The following OR51E2 variants were observed in gnomAD, a reference collection of about 807,000 sequenced individuals.
OR51E2 encodes the protein olfactory receptor 51E2.
Under a neutral mutation model 13.7 loss-of-function variants are expected in OR51E2, and 14 were observed. The observed-to-expected ratio is 1.02, with a 90% confidence interval of 0.68 to 1.60. The LOEUF (loss-of-function observed/expected upper bound fraction) is 1.60. Among genes scored for constraint, OR51E2 ranks in the 40% most tolerant of loss-of-function variants. The pLI is 0.00. For missense variants in OR51E2, 483 were observed against 413.8 expected (o/e 1.17, Z -1.45); for synonymous variants, 180 against 157.6 (o/e 1.14, Z -1.07).
intron 1 of OR51E2, chr11:4,690,903 C>T (rs1288762787): frequency 4.4e-6 from 2 of 456,316 alleles, no homozygotes; most frequent in Non-Finnish European, 8.8e-6. Flanking sequence ...GGCTTGTTTC[C>T]CAAATCTGTG....
intron 1 of OR51E2, among the ~76,000 whole-genome samples, chr11:4,692,727 G>A (rs1488566145): frequency 6.6e-6 from 1 of 151,986 alleles, no homozygotes; most frequent in Non-Finnish European, 1.5e-5. Flanking sequence ...GGAAAAGAAA[G>A]GGTGCTGGGT....
intron 1 of OR51E2, among the ~76,000 whole-genome samples, chr11:4,695,292 C>T (rs986982679): frequency 6.6e-6 from 1 of 152,134 alleles, no homozygotes; most frequent in African/African-American, 2.4e-5. Flanking sequence ...ATTCCTTTCC[C>T]TCTTTAGTAT....
At position 4,682,730 on chromosome 11, in the gene OR51E2, G is replaced by T. The variant is rs539052386; in HGVS notation, c.-19C>A. ...AACTCATAGCTGGAACTGAGGAGGG[G>T]TGACTGGAGAGGGTGAGGTCACACT... On this transcript the variant is annotated 5_prime_UTR_variant, in exon 2 of 2. Transcript: ENST00000396950. 181 of 1,606,650 alleles carry T rather than the reference G, an allele frequency of 1.1e-4. 1 individual carries two copies. The East Asian group carries it at 3.9e-3, about 35-fold the overall frequency.
At chr11:4,695,966 C>A (rs534002892) in intron 1 of OR51E2, among the ~76,000 whole-genome samples, 1 of 152,184 alleles carries the variant, frequency 6.6e-6, no homozygotes, top group Non-Finnish European at 1.5e-5. Flanking sequence ...CATAAATCTG[C>A]AATCTAATTA....
chr11:4,687,257 G>T (rs932227861), intron 1 of OR51E2, among the ~76,000 whole-genome samples: 1 of 152,140 alleles, frequency 6.6e-6, no homozygotes, highest in African/African-American at 2.4e-5. Context: ...TTAGGGAATA[G>T]AAGGGGAAAG....
chr11:4,689,888 G>A, intron 1 of OR51E2, among the ~76,000 whole-genome samples: 1 of 151,484 alleles, frequency 6.6e-6, no homozygotes, highest in East Asian at 1.9e-4. Flanking sequence ...CTAGAGGATA[G>A]AGTTGTGGTT....
Position 4,680,717 on chromosome 11 carries a change from A to G in OR51E2, c.*1032T>C, listed in dbSNP as rs942354776. On this transcript the variant is annotated 3_prime_UTR_variant, in exon 2 of 2. Transcript: ENST00000396950. ...ATAAAACCTGTGAAGCACTTATAAT[A>G]GTGCCAGAACATTGTGAGCACACAT... The G allele has an allele frequency of 6.6e-6, 1 of 152,562 alleles. No individual in the cohort carries two copies. Among genetic ancestry groups the G allele is most frequent in the Admixed American group, 6.5e-5 (1 of 15,288 alleles). 9.5% of individuals were successfully genotyped at this position (152,562 alleles called of 1,614,324 possible).
intron 1 of OR51E2, among the ~76,000 whole-genome samples, chr11:4,685,545 C>A (rs1259519499): frequency 6.6e-6 from 1 of 152,168 alleles, no homozygotes; most frequent in Non-Finnish European, 1.5e-5. Context: ...CATATCTTTC[C>A]CTAACCTTTC....
In OR51E2 at chr11:4,681,895, C is replaced by CA; in HGVS notation, c.816dup (p.Val273CysfsTer5). 4 of 1,614,164 alleles carry CA rather than the reference C, an allele frequency of 2.5e-6. No homozygotes were observed. The highest frequency in any genetic ancestry group is 3.4e-6 in the Non-Finnish European group (4 of 1,180,028). On this transcript the variant is annotated frameshift_variant, in exon 2 of 2. Transcript: ENST00000396950. LOFTEE classifies it high-confidence loss of function. ...AGCAGGTAGATGTCACCCATGACAA[C>CA]ACGCACAATGGGATGAAGGCTGTTT...
chr11:4,690,156 G>A (rs1847559934), intron 1 of OR51E2, among the ~76,000 whole-genome samples: 1 of 151,258 alleles, frequency 6.6e-6, no homozygotes, highest in African/African-American at 2.4e-5. Context: ...AGTCTGCATG[G>A]ATGTGCTCTG....
rs1210485621 is a variant in OR51E2, at chr11:4,697,728, G to C, written c.-126C>G. On this transcript the variant is annotated 5_prime_UTR_variant, in exon 1 of 2. Transcript: ENST00000396950. ...TGAGGAGGCTTTAGATTCCAGGGGA[G>C]GGCCGAGCTTGCAAATATGAGGAGA... 1 of 152,618 alleles carries C rather than the reference G, an allele frequency of 6.6e-6. No individual in the cohort carries two copies. Among genetic ancestry groups the C allele is most frequent in the Non-Finnish European group, 1.5e-5 (1 of 68,062 alleles). 9.5% of individuals were successfully genotyped at this position (152,618 alleles called of 1,614,324 possible). A position where few individuals can be genotyped will look rare whatever the true frequency, so the allele number is the denominator to read the frequency against.
At chr11:4,694,304 A>G (rs1847625415) in intron 1 of OR51E2, among the ~76,000 whole-genome samples, 1 of 152,010 alleles carries the variant, frequency 6.6e-6, no homozygotes, top group Non-Finnish European at 1.5e-5. Context: ...GCAAAAAAAA[A>G]ATGACTTCTC....
intron 1 of OR51E2, among the ~76,000 whole-genome samples, chr11:4,693,630 A>G (rs1035046085): frequency 1.3e-5 from 2 of 152,176 alleles, no homozygotes; most frequent in South Asian, 4.2e-4. Flanking sequence ...CTGAGGCAGG[A>G]GAATGGAGTG....
At chr11:4,695,000 A>G (rs965718578) in intron 1 of OR51E2, among the ~76,000 whole-genome samples, 1 of 152,228 alleles carries the variant, frequency 6.6e-6, no homozygotes, top group Non-Finnish European at 1.5e-5. Flanking sequence ...GAATGAAAGA[A>G]TAACATAAGC....
chr11:4,682,074 A>G lies in OR51E2; in HGVS notation c.638T>C (p.Ile213Thr), dbSNP rs1180063575. Reference protein sequence around the residue: ...LLVMGVDVMFISLSYFLIIRT... With the variant: ...LLVMGVDVMFTSLSYFLIIRT... ...TATTATCAGAAAATAGGACAAGGAGATGAACATTACGTCCACGCCCATGAC... is the reference window on the plus strand; with the variant it reads ...TATTATCAGAAAATAGGACAAGGAGGTGAACATTACGTCCACGCCCATGAC... Residue 213 changes from isoleucine to threonine, a missense_variant, in exon 2 of 2, where the codon ATC becomes ACC. Ile to Thr is a moderately conservative substitution (Grantham distance 89). Transcript: ENST00000396950. 1.9e-6 allele frequency: 3 copies of G among 1,614,200 alleles called. No homozygotes were observed. Among genetic ancestry groups the G allele is most frequent in the Non-Finnish European group, 2.5e-6 (3 of 1,180,038 alleles).
chr11:4,696,787 A>G (rs1282308894), intron 1 of OR51E2, among the ~76,000 whole-genome samples: 3 of 152,140 alleles, frequency 2.0e-5, no homozygotes, highest in Non-Finnish European at 2.9e-5. Flanking sequence ...TCATTGCACT[A>G]TTATAAGCTA....
chr11:4,696,943 C>T (rs1272621624), intron 1 of OR51E2, among the ~76,000 whole-genome samples: 2 of 152,166 alleles, frequency 1.3e-5, no homozygotes, highest in African/African-American at 2.4e-5. Flanking sequence ...AGACCATCTA[C>T]ACCATTAATA....
In OR51E2 at chr11:4,693,500, T is replaced by A. The variant is rs181885595; in HGVS notation, c.-51+4153A>T. On this transcript the variant is annotated intron_variant, in intron 1 of 1. Coordinates refer to ENST00000396950, the MANE Select transcript of OR51E2 (RefSeq NM_030774.4). ...ACTTTGGGAGGCCGAGGTGGGCGGATCACGAGGTCAGGAGATCGAGACCAT... is the reference window on the plus strand; with the variant it reads ...ACTTTGGGAGGCCGAGGTGGGCGGAACACGAGGTCAGGAGATCGAGACCAT... Among the ~76,000 whole-genome samples the A allele has an allele frequency of 5.7e-3, 869 of 152,282 alleles. 5 individuals carry two copies. The highest frequency in any genetic ancestry group is 0.044 in the Middle Eastern group (13 of 294).
chr11:4,690,623 C>A, intron 1 of OR51E2: 2 of 293,054 alleles, frequency 6.8e-6, no homozygotes, highest in Non-Finnish European at 1.3e-5. Flanking sequence ...AGATACATTC[C>A]AGCTTTAACT....
Sources: allele counts gnomAD v4.1 joint callset (sites outside exome capture counted in the v4.1 genomes callset), GRCh38; gene constraint gnomAD v4.1.1; transcripts MANE v1.5; gene names NCBI Gene and HGNC (gene_info 2026-07-23, HGNC 2026-07-21).